SLIT1: variants seen among roughly 807,000 people sequenced by gnomAD.
SLIT1 encodes slit homolog 1 protein.
In SLIT1, 66 loss-of-function variants were observed where a neutral mutation model predicts 186.1. That is an observed-to-expected ratio of 0.35 (90% CI 0.29 to 0.44). The LOEUF (loss-of-function observed/expected upper bound fraction) is 0.44, where lower values mean the gene tolerates loss of function less well. SLIT1 is among the 20% of genes least tolerant of loss of function. SLIT1 has a pLI of 1.00. For synonymous variants in SLIT1, 761 were observed against 833.8 expected (o/e 0.91, Z 1.50); for missense variants, 1,638 against 2,037.4 (o/e 0.80, Z 3.77).
chr10:97,157,713 C>T (rs1342339639), intron 4 of SLIT1, 105 bp downstream of exon 4: 1 of 842,580 alleles, frequency 1.2e-6, no homozygotes, highest in East Asian at 2.4e-5. Context: ...AGCACAGGGT[C>T]AGGGTCATGG....
chr10:97,124,646 C>T (rs1180450297), intron 4 of SLIT1, among the ~76,000 whole-genome samples: 1 of 152,118 alleles, frequency 6.6e-6, no homozygotes, highest in African/African-American at 2.4e-5. Context: ...CTTGAAGGTA[C>T]CCCCATGTTC....
At chr10:97,169,527 G>A (rs768239337) in intron 1 of SLIT1, among the ~76,000 whole-genome samples, 4 of 152,190 alleles carry the variant, frequency 2.6e-5, no homozygotes, top group East Asian at 1.9e-4. Context: ...ATGTTGCCAC[G>A]GAGCCCCCTC....
rs1461514036 is a variant in SLIT1, at chr10:97,010,203, A to G, written c.3341+790T>C. Reference sequence around the variant, plus strand: ...TGGGTAAACAAAATGTGGTATGTCCATACGGCAGAACACTGTTTAGCCATA... The same window carrying G: ...TGGGTAAACAAAATGTGGTATGTCCGTACGGCAGAACACTGTTTAGCCATA... On this transcript the variant is annotated intron_variant, in intron 31 of 36. Transcript: ENST00000266058. The surrounding 1 kb of genome is among the most constrained non-coding windows in gnomAD (Gnocchi z 4.8). Among the ~76,000 whole-genome samples, 3 of 152,272 alleles carry G rather than the reference A, an allele frequency of 2.0e-5. No individual in the cohort carries two copies. The highest frequency in any genetic ancestry group is 4.4e-5 in the Non-Finnish European group (3 of 68,050).
At chr10:97,018,737 G>T in intron 27 of SLIT1, 54 bp from the exon 28 acceptor site, 1 of 1,189,440 alleles carries the variant, frequency 8.4e-7, no homozygotes, top group Non-Finnish European at 1.2e-6. Context: ...GTTAGTATGA[G>T]CCAACAGCCA....
intron 4 of SLIT1, 144 bp from the exon 5 acceptor site, chr10:97,066,230 C>G (rs1848944616): frequency 3.0e-6 from 2 of 669,788 alleles, no homozygotes; most frequent in Admixed American, 4.6e-5. Flanking sequence ...TAGGACAGTG[C>G]CTGGCCCACA....
intron 4 of SLIT1, among the ~76,000 whole-genome samples, chr10:97,124,088 G>A (rs1849583495): frequency 6.6e-6 from 1 of 152,220 alleles, no homozygotes; most frequent in African/African-American, 2.4e-5. Context: ...AGCCTCGGGG[G>A]TGAGACCACA....
Position 97,000,884 on chromosome 10 carries a change from C to T in SLIT1, c.*228G>A. 1 of 576,988 alleles carries T rather than the reference C, an allele frequency of 1.7e-6. No homozygotes were observed. Among genetic ancestry groups the T allele is most frequent in the Non-Finnish European group, 3.1e-6 (1 of 323,654 alleles). The allele number at this position is 576,988 out of a possible 1,614,324, so 35.7% of individuals were successfully genotyped here. A position where few individuals can be genotyped will look rare whatever the true frequency, so the allele number is the denominator to read the frequency against. On this transcript the variant is annotated 3_prime_UTR_variant, in exon 37 of 37. Coordinates refer to ENST00000266058, the MANE Select transcript of SLIT1 (RefSeq NM_003061.3). ...AAGCGCCTATTTGTGCAAGGCACTT[C>T]CGGAGAGGGCAGCCCGCAGCTCAGG...
rs112267332 is a variant in SLIT1 at position 97,068,755 on chromosome 10, C to T, written c.414-2669G>A. ...TCATCTTCGATCTTGGTTACTTGTG[C>T]CATATCGCCAGCTCCCCAGTGTAGT... is the stretch of plus-strand genomic sequence containing the variant. On this transcript the variant is annotated intron_variant, in intron 4 of 36. Transcript: ENST00000266058. The surrounding 1 kb of genome is among the most constrained non-coding windows in gnomAD (Gnocchi z 4.2). 0.03 allele frequency among the ~76,000 whole-genome samples: 4,511 copies of T among 152,298 alleles called. 196 individuals are homozygous for T. The highest frequency in any genetic ancestry group is 0.094 in the African/African-American group (3,892 of 41,542).
Position 97,185,579 on chromosome 10 carries a change from C to T in SLIT1, c.96G>A (p.Ser32=), listed in dbSNP as rs775853827. The change falls in exon 1 of 37, where the codon TCG becomes TCA. Residue 32 remains serine (S), a synonymous_variant. Coordinates refer to ENST00000266058, the MANE Select transcript of SLIT1 (RefSeq NM_003061.3). ...LWAAAWRLGA[S]ACPALCTCTG... is the part of the protein sequence containing the mutation. ...TGCAGGTGCAGAGGGCGGGGCACGCCGAGGCACCCAGGCGCCACGCGGCTG... is the reference window on the plus strand; with the variant it reads ...TGCAGGTGCAGAGGGCGGGGCACGCTGAGGCACCCAGGCGCCACGCGGCTG... The T allele has an allele frequency of 2.5e-6, 4 of 1,605,320 alleles. No homozygotes were observed. The South Asian group carries it at 4.4e-5, about 18-fold the overall frequency.
chr10:97,012,753 T>C (rs1332155556), intron 30 of SLIT1, among the ~76,000 whole-genome samples: 1 of 152,188 alleles, frequency 6.6e-6, no homozygotes, highest in East Asian at 1.9e-4. Context: ...CCTGGGCTCT[T>C]GCTTCCTGTC....
At chr10:97,012,389 T>G (rs1848419486) in intron 30 of SLIT1, among the ~76,000 whole-genome samples, 2 of 152,310 alleles carry the variant, frequency 1.3e-5, no homozygotes, top group South Asian at 4.1e-4. Flanking sequence ...TATCTTGGGT[T>G]CCAGGTAATG....
At chr10:97,171,544 G>A (rs939927665) in intron 1 of SLIT1, among the ~76,000 whole-genome samples, 9 of 152,180 alleles carry the variant, frequency 5.9e-5, no homozygotes, top group Non-Finnish European at 1.3e-4. Flanking sequence ...TACTGACCAG[G>A]CACAGTGGCT....
At chr10:97,032,508 G>T (rs1848600228) in intron 23 of SLIT1, among the ~76,000 whole-genome samples, 1 of 151,632 alleles carries the variant, frequency 6.6e-6, no homozygotes, top group South Asian at 2.1e-4. Context: ...GGCAGAGGTT[G>T]CAGTGAGCCA....
rs757875768 is a variant in SLIT1 at position 97,004,053 on chromosome 10, G to A, written c.3865+15C>T. On this transcript the variant is annotated intron_variant, in intron 34 of 36. Transcript: ENST00000266058. This position sits in a 1 kb window ranked among gnomAD's most constrained non-coding sequence, Gnocchi z 5.1. ...CCAGACAGCAAAAGAGGCCCCGCCAGGGCCAGGTCCTCACCTCCCACATAG... is the reference window on the plus strand; with the variant it reads ...CCAGACAGCAAAAGAGGCCCCGCCAAGGCCAGGTCCTCACCTCCCACATAG... 9.4e-6 allele frequency: 15 copies of A among 1,594,784 alleles called. No individual in the cohort carries two copies. In the South Asian group the frequency reaches 1.6e-4, roughly 17 times the overall value.
Position 97,002,939 on chromosome 10 carries a change from C to G in SLIT1, c.3919G>C (p.Gly1307Arg), listed in dbSNP as rs752477349. 1.2e-6 allele frequency: 2 copies of G among 1,614,066 alleles called. No individual in the cohort carries two copies. The highest frequency in any genetic ancestry group is 1.7e-6 in the Non-Finnish European group (2 of 1,180,030). ...AAFRLWQILN[G>R]TGFHGCIRNL... ...CGGATGCAACCGTGGAAGCCGGTGCCGTTGAGGATCTGCCACAGGCGGAAG... is the reference window on the plus strand; with the variant it reads ...CGGATGCAACCGTGGAAGCCGGTGCGGTTGAGGATCTGCCACAGGCGGAAG... Residue 1307 changes from glycine to arginine, a missense_variant, in exon 35 of 37, where the codon GGC becomes CGC. This residue lies in a region of SLIT1 where 173 missense variants were observed against 290.9 expected (regional missense o/e 0.59). Coordinates refer to ENST00000266058, the MANE Select transcript of SLIT1 (RefSeq NM_003061.3).
At position 97,057,978 on chromosome 10, in the gene SLIT1, T is replaced by A. The variant is rs554554661; in HGVS notation, c.1086-697A>T. On this transcript the variant is annotated intron_variant, in intron 11 of 36. Coordinates refer to ENST00000266058, the MANE Select transcript of SLIT1 (RefSeq NM_003061.3). ...GTAAACGTTCAAGCTGAGTAAAAAA[T>A]CCTGGGTACTTCCTCTTCAAACATG... The A allele has an allele frequency of 5.0e-5, 36 of 717,326 alleles. 1 individual carries two copies. In the African/African-American group the frequency reaches 6.1e-4, roughly 12 times the overall value. 44.4% of individuals were successfully genotyped at this position (717,326 alleles called of 1,614,324 possible).
chr10:97,020,566 C>A (rs1848494062), intron 26 of SLIT1, among the ~76,000 whole-genome samples: 1 of 152,230 alleles, frequency 6.6e-6, no homozygotes, highest in Non-Finnish European at 1.5e-5. Flanking sequence ...CCCAGGGCCT[C>A]CTCATTAACC....
At chr10:97,055,836 A>G (rs1271948473) in intron 13 of SLIT1, among the ~76,000 whole-genome samples, 2 of 152,164 alleles carry the variant, frequency 1.3e-5, no homozygotes, top group African/African-American at 4.8e-5. Flanking sequence ...TTTTTGTACT[A>G]TCAATAAAGA....
At chr10:97,075,193 A>C (rs544851427) in intron 4 of SLIT1, among the ~76,000 whole-genome samples, 49 of 152,330 alleles carry the variant, frequency 3.2e-4, no homozygotes, top group African/African-American at 1.2e-3. Flanking sequence ...AGGGCACCTC[A>C]TCTGGGGGCT....
Sources: gnomAD v4.1 joint callset for allele counts (sites outside exome capture counted in the v4.1 genomes callset) on GRCh38, gnomAD v4.1.1 for gene constraint, gnomAD v4.1.1 regional missense constraint, Gnocchi (gnomAD v3.1) non-coding constraint, MANE v1.5 for transcripts, NCBI Gene and HGNC (gene_info 2026-07-23, HGNC 2026-07-21) for gene names.